ARHGAP21: variants seen among roughly 807,000 people sequenced by gnomAD.
The protein encoded by ARHGAP21 is rho GTPase-activating protein 21.
In ARHGAP21, 38 loss-of-function variants were observed where a neutral mutation model predicts 164.6. The observed-to-expected ratio is 0.23, with a 90% CI of 0.18 to 0.30. The LOEUF (loss-of-function observed/expected upper bound fraction) is 0.30, where lower values mean the gene tolerates loss of function less well. ARHGAP21 is among the 10% of genes least tolerant of loss of function. The probability of loss-of-function intolerance (pLI) is 1.00; values close to 1 mark genes in which losing one functional copy is unlikely to be tolerated. For missense variants in ARHGAP21, 1,822 were observed against 2,370.7 expected (o/e 0.77, Z 4.81); for synonymous variants, 766 against 857.9 (o/e 0.89, Z 1.87).
rs2076038876 is a variant in ARHGAP21 at position 24,584,912 on chromosome 10, C to T, written c.5377G>A (p.Ala1793Thr). 1 of 1,613,812 alleles carries T rather than the reference C, an allele frequency of 6.2e-7. No individual in the cohort carries two copies. Among genetic ancestry groups the T allele is most frequent in the South Asian group, 1.1e-5 (1 of 91,080 alleles). The change falls in exon 26 of 26, where the codon GCT (alanine) becomes ACT (threonine). Residue 1793 changes from alanine (A) to threonine (T), a missense_variant. By Grantham distance (58) the Ala-to-Thr change is moderately conservative. Coordinates refer to ENST00000396432, the MANE Select transcript of ARHGAP21 (RefSeq NM_020824.4). ...CTGCGCCGGATGCTTTTCCTTTTAG[C>T]AGTCTCGGCATTCACTTTGTGATTC... ...VGNHKVNAET[A>T]KRKSIRRRHT...
intron 2 of ARHGAP21, among the ~76,000 whole-genome samples, chr10:24,691,041 T>TA (rs1458918283): frequency 1.1e-4 from 17 of 151,936 alleles, no homozygotes; most frequent in Non-Finnish European, 2.9e-5. Context: ...AGGAATGTCT[T>TA]AAAATATAGT....
chr10:24,596,569 C>T lies in ARHGAP21; in HGVS notation c.3477+171G>A. On this transcript the variant is annotated intron_variant, in intron 17 of 25. Transcript: ENST00000396432. ...TAATTATTCAATTTCGGAGTCAATACATTAGAAAAAAAGCATTACAGGTCA... is the reference window on the plus strand; with the variant it reads ...TAATTATTCAATTTCGGAGTCAATATATTAGAAAAAAAGCATTACAGGTCA... 4 of 804,388 alleles carry T rather than the reference C, an allele frequency of 5.0e-6. No homozygotes were observed. The South Asian group carries it at 8.1e-5, about 16-fold the overall frequency. The allele number at this position is 804,388 out of a possible 1,614,324, so 49.8% of individuals were successfully genotyped here.
At chr10:24,704,576 T>C (rs1329631311) in intron 2 of ARHGAP21, among the ~76,000 whole-genome samples, 1 of 151,922 alleles carries the variant, frequency 6.6e-6, no homozygotes, top group African/African-American at 2.4e-5. Flanking sequence ...GCGATTCTCA[T>C]GCCTCAGCCT....
chr10:24,666,090 A>C (rs1301955359), intron 4 of ARHGAP21, among the ~76,000 whole-genome samples: 1 of 151,784 alleles, frequency 6.6e-6, no homozygotes, highest in South Asian at 2.1e-4. Context: ...AGTGCAGTGG[A>C]GCGATCTCGG....
At chr10:24,691,669 T>G (rs1039676326) in intron 2 of ARHGAP21, among the ~76,000 whole-genome samples, 3 of 152,194 alleles carry the variant, frequency 2.0e-5, no homozygotes, top group African/African-American at 7.2e-5. Flanking sequence ...TACAACTGCC[T>G]TTCAACATAA....
intron 2 of ARHGAP21, among the ~76,000 whole-genome samples, chr10:24,707,516 C>A (rs1316535295): frequency 1.3e-5 from 2 of 152,162 alleles, no homozygotes; most frequent in Non-Finnish European, 2.9e-5. Context: ...CCCTTTCTCC[C>A]AAGCTCCAAA....
In ARHGAP21 at chr10:24,602,054, G is replaced by A. The variant is rs770869728; in HGVS notation, c.2771C>T (p.Ser924Phe). 2.4e-5 allele frequency: 38 copies of A among 1,613,026 alleles called. No individual in the cohort carries two copies. In the Middle Eastern group the frequency reaches 1.8e-3, roughly 78 times the overall value. The change falls in exon 13 of 26, where the codon TCT becomes TTT. Residue 924 changes from serine (S) to phenylalanine (F), a missense_variant. Coordinates refer to ENST00000396432, the MANE Select transcript of ARHGAP21 (RefSeq NM_020824.4). ...SSEDSGSRKD[S>F]SSEVFSDAAK... is the part of the protein sequence containing the mutation. The stretch of plus-strand genomic sequence containing the variant: ...AGCATCACTGAAGACCTCTGAGGAA[G>A]AATCTTTTCTGGACCCAGAGTCTTC...
rs1396491699 is a variant in ARHGAP21, at chr10:24,600,925, A to G, written c.2853T>C (p.Val951=). 1 of 1,608,888 alleles carries G rather than the reference A, an allele frequency of 6.2e-7. No homozygotes were observed. ...GTTTCCATGGCCGAATACTTCCACC[A>G]ACTCGCTAGAAAACATGCGACAGTT... is the stretch of plus-strand genomic sequence containing the variant. ...RPLVTDKGKR[V]GGSIRPWKQM... The change falls in exon 14 of 26, where the codon GTT becomes GTC. Residue 951 remains valine (V), a synonymous_variant. Transcript: ENST00000396432.
At chr10:24,682,735 C>T (rs1841887311) in intron 2 of ARHGAP21, among the ~76,000 whole-genome samples, 1 of 151,590 alleles carries the variant, frequency 6.6e-6, no homozygotes, top group Admixed American at 6.6e-5. Context: ...ATGGGAAATG[C>T]TTTGATGATA....
intron 3 of ARHGAP21, among the ~76,000 whole-genome samples, chr10:24,667,514 T>G (rs572599048): frequency 6.6e-6 from 1 of 152,350 alleles, no homozygotes; most frequent in African/African-American, 2.4e-5. Context: ...TATTCAATTT[T>G]GAAGTTTATC....
chr10:24,719,857 TA>T (rs1386073371), intron 2 of ARHGAP21, among the ~76,000 whole-genome samples: 2 of 152,214 alleles, frequency 1.3e-5, no homozygotes, highest in African/African-American at 4.8e-5. Context: ...AGGCAATAAT[TA>T]CACAAGTTCT....
chr10:24,632,308 T>G (rs1835922610), intron 6 of ARHGAP21, among the ~76,000 whole-genome samples: 1 of 152,186 alleles, frequency 6.6e-6, no homozygotes, highest in African/African-American at 2.4e-5. Context: ...TCTTTTAAGT[T>G]ATGGGCTGAC....
At chr10:24,637,654 G>C (rs973690811) in intron 4 of ARHGAP21, among the ~76,000 whole-genome samples, 1 of 152,154 alleles carries the variant, frequency 6.6e-6, no homozygotes, top group African/African-American at 2.4e-5. Context: ...ACAGAACAGA[G>C]GTGGTCCAAA....
intron 2 of ARHGAP21, among the ~76,000 whole-genome samples, chr10:24,689,948 G>GTATA (rs1565169515): frequency 2.4e-3 from 13 of 5,492 alleles, no homozygotes; most frequent in African/African-American, 0.013. Flanking sequence ...ATATGTATAT[G>GTATA]TGTGTGTGTG....
chr10:24,601,620 T>A (rs1299211244), intron 13 of ARHGAP21, among the ~76,000 whole-genome samples: 1 of 152,106 alleles, frequency 6.6e-6, no homozygotes, highest in Non-Finnish European at 1.5e-5. Context: ...AAAAGAGACA[T>A]AAAAATTTAA....
In ARHGAP21 at chr10:24,595,034, G is replaced by A. The variant is rs200219217; in HGVS notation, c.3792C>T (p.His1264=). 3.5e-5 allele frequency: 57 copies of A among 1,612,332 alleles called. No individual in the cohort carries two copies. Among genetic ancestry groups the A allele is most frequent in the Non-Finnish European group, 4.6e-5 (54 of 1,178,874 alleles). ...DRLKTLKRLI[H]DLPEHHYETL... is the part of the protein sequence containing the mutation. ...TTTCATAATGATGTTCAGGCAAATC[G>A]TGAATCTGAAACAGATTATTTTCAC... Residue 1264 remains histidine (H), a synonymous_variant, in exon 21 of 26, where the codon CAC becomes CAT. Transcript: ENST00000396432.
At chr10:24,718,663 C>T (rs1373048692) in intron 2 of ARHGAP21, among the ~76,000 whole-genome samples, 7 of 152,146 alleles carry the variant, frequency 4.6e-5, no homozygotes, top group Non-Finnish European at 8.8e-5. Flanking sequence ...CATACAAACT[C>T]GTACCCAGAA....
intron 4 of ARHGAP21, among the ~76,000 whole-genome samples, chr10:24,656,213 G>T (rs1444135771): frequency 7.3e-6 from 1 of 137,424 alleles, no homozygotes; most frequent in African/African-American, 2.9e-5. Flanking sequence ...GGAGGGAGGT[G>T]GGGGGGTCAT....
Position 24,620,565 on chromosome 10 carries a change from G to C in ARHGAP21, c.1330C>G (p.His444Asp), listed in dbSNP as rs1179806786. 3.1e-6 allele frequency: 5 copies of C among 1,614,168 alleles called. No homozygotes were observed. In the Admixed American group the frequency reaches 5.0e-5, roughly 16 times the overall value. ...TLQGRRRSTS[H>D]DRVPQSVQIR... ...TGGACAGACTGGGGCACTCGATCAT[G>C]AGAGGTGCTTCGACGTCGTCCCTGC... is the stretch of plus-strand genomic sequence containing the variant. Residue 444 changes from histidine (H) to aspartate (D), a missense_variant, in exon 9 of 26, where the codon CAT (histidine) becomes GAT (aspartate). By Grantham distance (81) the His-to-Asp change is moderately conservative. This residue lies in a region of ARHGAP21 where 1,090 missense variants were observed against 1,378.9 expected (regional missense o/e 0.79). Coordinates refer to ENST00000396432, the MANE Select transcript of ARHGAP21 (RefSeq NM_020824.4).
Sources: allele counts gnomAD v4.1 joint callset (sites outside exome capture counted in the v4.1 genomes callset), GRCh38; gene constraint gnomAD v4.1.1; regional missense constraint gnomAD v4.1.1; transcripts MANE v1.5; gene names NCBI Gene and HGNC (gene_info 2026-07-23, HGNC 2026-07-21).